PAK3: variants seen among roughly 807,000 people sequenced by gnomAD.
The protein encoded by PAK3 is serine/threonine-protein kinase PAK 3.
Under a neutral mutation model 41.0 loss-of-function variants are expected in PAK3, and 4 were observed. That is an observed-to-expected ratio of 0.10 (90% confidence interval 0.05 to 0.22). PAK3 has a LOEUF of 0.22. PAK3 is among the 10% of genes least tolerant of loss of function. The pLI, the probability that PAK3 is intolerant of heterozygous loss-of-function variation, is 1.00. For missense variants in PAK3, 205 were observed against 409.9 expected (o/e 0.50, Z 4.32); for synonymous variants, 146 against 139.6 (o/e 1.05, Z -0.32).
At chrX:111,083,606 T>G (rs2148843835) in intron 1 of PAK3, among the ~76,000 whole-genome samples, 1 of 112,491 alleles carries the variant, frequency 8.9e-6, no homozygotes, top group East Asian at 2.8e-4. Context: ...ACCTGAAATA[T>G]GCTCTAAACA....
chrX:111,015,388 T>C (rs1321711510), intron 1 of PAK3, among the ~76,000 whole-genome samples: 3 of 111,614 alleles, frequency 2.7e-5, no homozygotes, highest in African/African-American at 9.8e-5. Flanking sequence ...TTGACTATTG[T>C]GAATATGCTG....
chrX:111,051,697 C>CTGTGTGTGTGTG (rs55981824), intron 1 of PAK3, among the ~76,000 whole-genome samples: 2 of 104,321 alleles, frequency 1.9e-5, no homozygotes, highest in African/African-American at 3.5e-5. Flanking sequence ...GTGTGTGTGT[C>CTGTGTGTGTGTG]TGTGTGTGTG....
At chrX:111,066,153 T>C (rs2092700217) in intron 1 of PAK3, among the ~76,000 whole-genome samples, 2 of 111,914 alleles carry the variant, frequency 1.8e-5, no homozygotes, top group South Asian at 3.7e-4. Context: ...AGATCAGTAA[T>C]TTGAGATCTT....
intron 1 of PAK3, among the ~76,000 whole-genome samples, chrX:111,071,517 TCTC>T (rs1330077479): frequency 1.8e-5 from 2 of 111,872 alleles, no homozygotes; most frequent in African/African-American, 6.5e-5. Context: ...TTATTATTGT[TCTC>T]CTCCTCCTCG....
intron 4 of PAK3, among the ~76,000 whole-genome samples, chrX:111,105,209 A>G (rs1188049452): frequency 9.0e-6 from 1 of 111,282 alleles, no homozygotes; most frequent in Admixed American, 9.6e-5. Flanking sequence ...CACACAACAC[A>G]CTTACCATAC....
At chrX:111,024,697 G>A (rs1290795888) in intron 1 of PAK3, among the ~76,000 whole-genome samples, 1 of 110,710 alleles carries the variant, frequency 9.0e-6, no homozygotes. Context: ...CAAAATAATT[G>A]TGGGGGACTT....
At chrX:110,969,094 ATTTTTTT>A (rs60724970) in intron 1 of PAK3, among the ~76,000 whole-genome samples, 2 of 40,614 alleles carry the variant, frequency 4.9e-5, no homozygotes, top group African/African-American at 9.7e-5. Flanking sequence ...GACCTGCCTA[ATTTTTTT>A]TTTTTTTTTT....
chrX:111,129,687 A>G (rs890060990), intron 5 of PAK3, among the ~76,000 whole-genome samples: 51 of 111,447 alleles, frequency 4.6e-4, no homozygotes, highest in Middle Eastern at 4.6e-3. Context: ...CAAGAGAAGT[A>G]TGGAATGTAG....
chrX:111,169,819 T>C (rs1306536848), intron 10 of PAK3, among the ~76,000 whole-genome samples: 1 of 112,058 alleles, frequency 8.9e-6, no homozygotes, highest in Non-Finnish European at 1.9e-5. Flanking sequence ...TACCATTAGT[T>C]TGTTATGCTT....
chrX:110,986,756 C>CGTGTGTGTGT (rs758904251), intron 1 of PAK3, among the ~76,000 whole-genome samples: 1 of 104,396 alleles, frequency 9.6e-6, no homozygotes. Flanking sequence ...CAAGTGTACG[C>CGTGTGTGTGT]GTGTGTGTGT....
At chrX:111,167,838 C>T (rs771498155) in intron 10 of PAK3, among the ~76,000 whole-genome samples, 17 of 110,750 alleles carry the variant, frequency 1.5e-4, no homozygotes, top group African/African-American at 4.3e-4. Context: ...CAAAACTGCA[C>T]GTTCTGCACA....
At chrX:111,173,104 A>G (rs368418073) in intron 11 of PAK3, 23 bp downstream of exon 11, 168 of 765,527 alleles carry the variant, frequency 2.2e-4, no homozygotes, top group Non-Finnish European at 3.3e-4. Context: ...TATTTGAAAT[A>G]TAAAAAGATG....
intron 11 of PAK3, among the ~76,000 whole-genome samples, chrX:111,178,290 T>C (rs902592158): frequency 9.0e-6 from 1 of 111,554 alleles, no homozygotes; most frequent in Non-Finnish European, 1.9e-5. Flanking sequence ...ACAGATTATA[T>C]CTGTGCCGGC....
At chrX:111,034,763 T>G (rs2148757057) in intron 1 of PAK3, among the ~76,000 whole-genome samples, 1 of 111,176 alleles carries the variant, frequency 9.0e-6, no homozygotes, top group African/African-American at 3.3e-5. Flanking sequence ...CTATATGACC[T>G]TAGGCAAGTC....
chrX:111,154,225 A>G lies in PAK3; in HGVS notation c.468+1778A>G, dbSNP rs547001239. Among the ~76,000 whole-genome samples, 3 of 111,704 alleles carry G rather than the reference A, an allele frequency of 2.7e-5. No homozygotes were observed. The South Asian group carries it at 1.1e-3, about 42-fold the overall frequency. ...GTTATGGAGATGAATGGCTTTGATG[A>G]TTATACAACAATATCCTCAACAGTA... On this transcript the variant is annotated intron_variant, in intron 8 of 17. Transcript: ENST00000372007.
intron 1 of PAK3, among the ~76,000 whole-genome samples, chrX:110,955,038 G>A (rs1432795853): frequency 9.0e-6 from 1 of 111,553 alleles, no homozygotes; most frequent in Non-Finnish European, 1.9e-5. Flanking sequence ...GCTCACTCAA[G>A]TTCTTCCTGT....
chrX:111,026,099 T>C (rs6567931), intron 1 of PAK3, among the ~76,000 whole-genome samples: 4,008 of 111,485 alleles, frequency 0.036, 167 homozygotes, highest in African/African-American at 0.12. Flanking sequence ...TTTGACAAAA[T>C]CCAGCATTCC....
At chrX:111,017,069 C>CA (rs1479755385) in intron 1 of PAK3, among the ~76,000 whole-genome samples, 5 of 109,757 alleles carry the variant, frequency 4.6e-5, no homozygotes, top group Non-Finnish European at 7.6e-5. Context: ...TTATGGAACA[C>CA]GGTGAAAGCA....
upstream of PAK3, among the ~76,000 whole-genome samples, chrX:111,093,990 TA>T (rs1216862824): frequency 8.9e-6 from 1 of 112,230 alleles, no homozygotes; most frequent in African/African-American, 3.2e-5. Flanking sequence ...TCAGAGATGT[TA>T]ACATTGAATA....
Sources: allele counts gnomAD v4.1 joint callset (sites outside exome capture counted in the v4.1 genomes callset), GRCh38; gene constraint gnomAD v4.1.1; transcripts MANE v1.5; gene names NCBI Gene and HGNC (gene_info 2026-07-23, HGNC 2026-07-21).